The following CD96 variants were observed in gnomAD, a reference collection of about 807,000 sequenced individuals.
CD96 encodes the protein CD96 molecule, also known as T-cell surface protein tactile.
CD96 carries 70 observed loss-of-function variants against 71.3 expected under a neutral mutation model. The ratio of observed to expected loss-of-function variants is 0.98; its 90% CI spans 0.81 to 1.20. The LOEUF (loss-of-function observed/expected upper bound fraction) is 1.20. CD96 is among the 50% of genes most tolerant of loss of function. The probability of loss-of-function intolerance (pLI) is 0.00; values close to 1 mark genes in which losing one functional copy is unlikely to be tolerated. For synonymous variants in CD96, 248 were observed against 233.0 expected (o/e 1.06, Z -0.59); for missense variants, 742 against 677.5 (o/e 1.10, Z -1.06).
intron 1 of CD96, among the ~76,000 whole-genome samples, chr3:111,542,544 T>C (rs537117232): frequency 6.6e-6 from 1 of 152,364 alleles, no homozygotes; most frequent in South Asian, 2.1e-4. Flanking sequence ...GTGCCACTGC[T>C]CTGAGGCATT....
At chr3:111,561,943 C>A in intron 2 of CD96, among the ~76,000 whole-genome samples, 1 of 149,676 alleles carries the variant, frequency 6.7e-6, no homozygotes, top group African/African-American at 2.5e-5. Context: ...CTGAAAAGCG[C>A]AATATTCGGG....
intron 2 of CD96, among the ~76,000 whole-genome samples, chr3:111,554,035 T>C (rs1051977364): frequency 6.6e-6 from 1 of 152,042 alleles, no homozygotes. Context: ...TCAAGAAAAG[T>C]TTTCTTCATT....
chr3:111,653,121 T>G (rs1422226608), downstream of CD96, among the ~76,000 whole-genome samples: 2 of 152,142 alleles, frequency 1.3e-5, no homozygotes, highest in African/African-American at 4.8e-5. Flanking sequence ...ACCCAAGGCT[T>G]GAAAAGTACT....
intron 8 of CD96, among the ~76,000 whole-genome samples, chr3:111,615,985 ATCT>A (rs1429033151): frequency 2.0e-5 from 3 of 152,120 alleles, no homozygotes; most frequent in Admixed American, 2.0e-4. Context: ...TCACACCCTC[ATCT>A]TCTCGAAATT....
chr3:111,572,461 T>A (rs1209938727), intron 3 of CD96, among the ~76,000 whole-genome samples: 1 of 152,262 alleles, frequency 6.6e-6, no homozygotes, highest in African/African-American at 2.4e-5. Flanking sequence ...GTTACATGTC[T>A]GCAAAGGACA....
chr3:111,573,127 A>G (rs1473133281), intron 3 of CD96, among the ~76,000 whole-genome samples: 1 of 152,252 alleles, frequency 6.6e-6, no homozygotes, highest in Non-Finnish European at 1.5e-5. Flanking sequence ...GGAAGCTGAA[A>G]GATAAGTGGT....
chr3:111,556,373 G>C (rs1935042308), intron 2 of CD96, among the ~76,000 whole-genome samples: 1 of 99,120 alleles, frequency 1.0e-5, no homozygotes, highest in Middle Eastern at 8.2e-3. Context: ...CCCCACAACA[G>C]TCCCCAGAGT....
chr3:111,564,023 G>A (rs76690364), intron 2 of CD96, among the ~76,000 whole-genome samples: 3,409 of 152,086 alleles, frequency 0.022, 137 homozygotes, highest in African/African-American at 0.078. Flanking sequence ...TTCTGGCAGA[G>A]GACTGCTATC....
chr3:111,546,913 G>GACACACACACAC (rs1491160910), intron 2 of CD96, among the ~76,000 whole-genome samples: 2 of 51,896 alleles, frequency 3.9e-5, no homozygotes, highest in East Asian at 7.1e-4. Flanking sequence ...CACACACACA[G>GACACACACACAC]ACACATACAC....
intron 2 of CD96, among the ~76,000 whole-genome samples, chr3:111,564,506 T>C (rs1935610755): frequency 6.6e-6 from 1 of 152,124 alleles, no homozygotes; most frequent in Non-Finnish European, 1.5e-5. Flanking sequence ...CGAATTTCGT[T>C]ACCTATGTTT....
chr3:111,618,645 C>T (rs7645842), intron 8 of CD96, among the ~76,000 whole-genome samples: 1 of 143,628 alleles, frequency 7.0e-6, no homozygotes, highest in Non-Finnish European at 1.5e-5. Context: ...AGTACAGTGG[C>T]ACGATCTCAG....
intron 10 of CD96, among the ~76,000 whole-genome samples, chr3:111,631,868 G>A (rs1939079740): frequency 6.6e-6 from 1 of 152,120 alleles, no homozygotes; most frequent in Non-Finnish European, 1.5e-5. Flanking sequence ...ACAAAAACAA[G>A]CAATGAGAAA....
intron 12 of CD96, among the ~76,000 whole-genome samples, chr3:111,647,002 G>A (rs1315047680): frequency 6.6e-6 from 1 of 151,140 alleles, no homozygotes; most frequent in Non-Finnish European, 1.5e-5. Flanking sequence ...ACTATTAAGT[G>A]GGAACTAAAC....
At chr3:111,593,799 T>C (rs200911367) in intron 5 of CD96, 2 of 1,614,204 alleles carry the variant, frequency 1.2e-6, no homozygotes, top group East Asian at 2.2e-5. Flanking sequence ...TTACCCTCAA[T>C]GCCTGTGGGG....
At position 111,542,226 on chromosome 3, in the gene CD96, T is replaced by C. The variant is rs879027577; in HGVS notation, c.-23T>C. On this transcript the variant is annotated 5_prime_UTR_variant, in exon 1 of 14. Transcript: ENST00000352690. ...GACTTTGTGATCATTACAGAAATGCTGGTGTAAGGTGTTCAGAAGACAATG... is the reference window on the plus strand; with the variant it reads ...GACTTTGTGATCATTACAGAAATGCCGGTGTAAGGTGTTCAGAAGACAATG... 6 of 1,604,356 alleles carry C rather than the reference T, an allele frequency of 3.7e-6. No homozygotes were observed. Among genetic ancestry groups the C allele is most frequent in the Non-Finnish European group, 2.6e-6 (3 of 1,171,102 alleles).
chr3:111,643,424 C>T (rs1432039134), intron 12 of CD96, among the ~76,000 whole-genome samples: 1 of 152,096 alleles, frequency 6.6e-6, no homozygotes, highest in East Asian at 1.9e-4. Context: ...TAGGGCAAAA[C>T]AAGAATGCCC....
At chr3:111,618,765 G>T (rs1466122955) in intron 8 of CD96, among the ~76,000 whole-genome samples, 1 of 151,492 alleles carries the variant, frequency 6.6e-6, no homozygotes, top group Non-Finnish European at 1.5e-5. Context: ...AGAGACGGGG[G>T]TTTCACCGTG....
intron 5 of CD96, among the ~76,000 whole-genome samples, chr3:111,589,936 T>C (rs1473076202): frequency 6.6e-6 from 1 of 152,210 alleles, no homozygotes; most frequent in Non-Finnish European, 1.5e-5. Context: ...AAAACTGGAA[T>C]AATAACAAAT....
intron 2 of CD96, among the ~76,000 whole-genome samples, chr3:111,548,213 G>A (rs1470391944): frequency 6.6e-6 from 1 of 152,104 alleles, no homozygotes; most frequent in Admixed American, 6.5e-5. Context: ...TGTTTGAGTT[G>A]ATCATCTCTT....
Sources: allele counts gnomAD v4.1 joint callset (sites outside exome capture counted in the v4.1 genomes callset), GRCh38; gene constraint gnomAD v4.1.1; transcripts MANE v1.5; gene names NCBI Gene and HGNC (gene_info 2026-07-23, HGNC 2026-07-21).